DAGLA: variants seen among roughly 807,000 people sequenced by gnomAD.
The protein encoded by DAGLA is diacylglycerol lipase-alpha.
In DAGLA, 22 loss-of-function variants were observed where a neutral mutation model predicts 102.6. The ratio of observed to expected loss-of-function variants is 0.21; its 90% CI spans 0.15 to 0.31. The LOEUF is 0.31. Ranked by LOEUF, DAGLA falls within the 10% of genes least tolerant of loss-of-function variation. The probability of loss-of-function intolerance (pLI) is 1.00; values close to 1 mark genes in which losing one functional copy is unlikely to be tolerated. For missense variants in DAGLA, 927 were observed against 1,446.6 expected (o/e 0.64, Z 5.83); for synonymous variants, 578 against 628.9 (o/e 0.92, Z 1.21).
chr11:61,726,151 C>T, intron 6 of DAGLA, 69 bp downstream of exon 6: 1 of 1,481,576 alleles, frequency 6.7e-7, no homozygotes, highest in Non-Finnish European at 9.3e-7. Context: ...GCTGTTGGCT[C>T]CTTTGGCAAA....
chr11:61,696,123 G>A (rs574974971), intron 1 of DAGLA, among the ~76,000 whole-genome samples: 1 of 152,276 alleles, frequency 6.6e-6, no homozygotes, highest in Admixed American at 6.5e-5. Flanking sequence ...GGGGAGCCTG[G>A]GTGTTCCTCT....
At position 61,703,572 on chromosome 11, in the gene DAGLA, C is replaced by T. The variant is rs181139084; in HGVS notation, c.-44-16540C>T. Reference sequence around the variant, plus strand: ...GAGGCTGGTGAGGGCAGGCAGAGGCCAGGCCACAGGGCTGGCAGGCCAACG... The same window carrying T: ...GAGGCTGGTGAGGGCAGGCAGAGGCTAGGCCACAGGGCTGGCAGGCCAACG... On this transcript the variant is annotated intron_variant, in intron 1 of 19. Transcript: ENST00000257215. Among the ~76,000 whole-genome samples the T allele has an allele frequency of 7.7e-4, 117 of 152,310 alleles. 2 individuals are homozygous for T. The highest frequency in any genetic ancestry group is 2.8e-3 in the African/African-American group (116 of 41,568).
chr11:61,688,648 C>T (rs910353165), intron 1 of DAGLA, among the ~76,000 whole-genome samples: 5 of 152,288 alleles, frequency 3.3e-5, no homozygotes, highest in Non-Finnish European at 2.9e-5. Context: ...GCAGGGGGCC[C>T]GTGGGGGGTT....
chr11:61,690,787 C>T (rs547871520), intron 1 of DAGLA, among the ~76,000 whole-genome samples: 1 of 152,282 alleles, frequency 6.6e-6, no homozygotes, highest in South Asian at 2.1e-4. Context: ...GGAGGAACAG[C>T]CGCCCACAAA....
intron 1 of DAGLA, among the ~76,000 whole-genome samples, chr11:61,708,218 G>A (rs2135567765): frequency 6.6e-6 from 1 of 152,278 alleles, no homozygotes; most frequent in South Asian, 2.1e-4. Context: ...ATGTTGGCCA[G>A]GCTGGTCTCG....
At position 61,743,973 on chromosome 11, in the gene DAGLA, C is replaced by G. The variant is rs1409346783; in HGVS notation, c.2613C>G (p.Pro871=). 1 of 1,611,968 alleles carries G rather than the reference C, an allele frequency of 6.2e-7. No individual in the cohort carries two copies. Among genetic ancestry groups the G allele is most frequent in the Non-Finnish European group, 8.5e-7 (1 of 1,179,694 alleles). ...GCGGCGTCACTCCTGAGCGGCCCCCCAGTGCTGCGGCCAATGACGAGGAGG... is the reference window on the plus strand; with the variant it reads ...GCGGCGTCACTCCTGAGCGGCCCCCGAGTGCTGCGGCCAATGACGAGGAGG... The part of the protein sequence containing the change: ...GSGGVTPERP[P]SAAANDEEEE... Residue 871 remains proline (P), a synonymous_variant, in exon 20 of 20, where the codon CCC becomes CCG. Coordinates refer to ENST00000257215, the MANE Select transcript of DAGLA (RefSeq NM_006133.3).
chr11:61,683,259 G>C (rs1334963128), intron 1 of DAGLA, among the ~76,000 whole-genome samples: 4 of 152,216 alleles, frequency 2.6e-5, no homozygotes, highest in Non-Finnish European at 5.9e-5. Flanking sequence ...GGCCCTCCCA[G>C]ACCCAGGGTT....
intron 3 of DAGLA, among the ~76,000 whole-genome samples, chr11:61,721,369 G>A (rs198429): frequency 0.25 from 37,647 of 152,114 alleles, 4,935 homozygotes; most frequent in East Asian, 0.46. Flanking sequence ...ACTCCAGCCT[G>A]GGTGACAGAG....
At chr11:61,694,947 G>A (rs2065052621) in intron 1 of DAGLA, among the ~76,000 whole-genome samples, 1 of 152,170 alleles carries the variant, frequency 6.6e-6, no homozygotes. Flanking sequence ...ACCCAAACAT[G>A]TGCACGTCTC....
intron 1 of DAGLA, among the ~76,000 whole-genome samples, chr11:61,683,282 T>G (rs1049097702): frequency 2.0e-5 from 3 of 152,170 alleles, no homozygotes; most frequent in Non-Finnish European, 4.4e-5. Flanking sequence ...GAGCTGACTT[T>G]TCCATGCTAT....
intron 6 of DAGLA, among the ~76,000 whole-genome samples, chr11:61,726,655 G>C (rs1183132279): frequency 6.6e-6 from 1 of 152,260 alleles, no homozygotes; most frequent in African/African-American, 2.4e-5. Context: ...AGATCATCTA[G>C]TCCCACCCCT....
In DAGLA at chr11:61,745,486, T is replaced by A. The variant is rs553795289; in HGVS notation, c.*997T>A. 6.5e-6 allele frequency: 1 copy of A among 152,950 alleles called. No homozygotes were observed. The highest frequency in any genetic ancestry group is 1.5e-5 in the Non-Finnish European group (1 of 68,368). The allele number at this position is 152,950 out of a possible 1,614,324, so 9.5% of individuals were successfully genotyped here. A position where few individuals can be genotyped will look rare whatever the true frequency, so the allele number is the denominator to read the frequency against. ...TCCCTCCTCGCTGGCCTGGGCACCCTCCTGGGAGCAGGCCTTCCTCCCTCC... is the reference window on the plus strand; with the variant it reads ...TCCCTCCTCGCTGGCCTGGGCACCCACCTGGGAGCAGGCCTTCCTCCCTCC... On this transcript the variant is annotated 3_prime_UTR_variant, in exon 20 of 20. Transcript: ENST00000257215.
intron 19 of DAGLA, among the ~76,000 whole-genome samples, chr11:61,743,018 A>G (rs2065494204): frequency 6.6e-6 from 1 of 152,152 alleles, no homozygotes; most frequent in African/African-American, 2.4e-5. Context: ...GGCTCAACCC[A>G]GCATCAACTC....
intron 1 of DAGLA, among the ~76,000 whole-genome samples, chr11:61,691,417 T>C (rs1160026763): frequency 6.6e-6 from 1 of 152,212 alleles, no homozygotes; most frequent in African/African-American, 2.4e-5. Flanking sequence ...CACACAAAAC[T>C]GAGTCTGGCT....
chr11:61,739,252 C>G (rs987794902), intron 16 of DAGLA, among the ~76,000 whole-genome samples: 2 of 152,212 alleles, frequency 1.3e-5, no homozygotes, highest in Non-Finnish European at 2.9e-5. Context: ...TCCTTGGCAC[C>G]TTATTGGCCG....
At chr11:61,740,618 A>G in intron 18 of DAGLA, 26 bp downstream of exon 18, 1 of 1,610,402 alleles carries the variant, frequency 6.2e-7, no homozygotes, top group Non-Finnish European at 8.5e-7. Context: ...GCAGGGTACC[A>G]CCAGGGAATA....
Position 61,734,802 on chromosome 11 carries a change from C to G in DAGLA, c.975-47C>G. On this transcript the variant is annotated intron_variant, in intron 9 of 19. Transcript: ENST00000257215. This position sits in a 1 kb window ranked among gnomAD's most constrained non-coding sequence, Gnocchi z 4.2. Reference sequence around the variant, plus strand: ...GGGACAGTGGCAGGAGACATTTGTTCCCTCGGGGACTCCCTGGCCCTGAAC... The same window carrying G: ...GGGACAGTGGCAGGAGACATTTGTTGCCTCGGGGACTCCCTGGCCCTGAAC... 1 of 1,566,634 alleles carries G rather than the reference C, an allele frequency of 6.4e-7. No homozygotes were observed. The highest frequency in any genetic ancestry group is 8.7e-7 in the Non-Finnish European group (1 of 1,146,896).
chr11:61,723,813 A>T (rs543563148), intron 5 of DAGLA, among the ~76,000 whole-genome samples: 6 of 152,358 alleles, frequency 3.9e-5, no homozygotes, highest in African/African-American at 1.4e-4. Flanking sequence ...ATACCTGCAG[A>T]GTGACTAACA....
At chr11:61,743,289 C>G (rs1375028992) in intron 19 of DAGLA, among the ~76,000 whole-genome samples, 1 of 150,212 alleles carries the variant, frequency 6.7e-6, no homozygotes, top group Non-Finnish European at 1.5e-5. Flanking sequence ...GGCGTGAACC[C>G]AGGGCGGAGC....
Sources: allele counts gnomAD v4.1 joint callset (sites outside exome capture counted in the v4.1 genomes callset), GRCh38; gene constraint gnomAD v4.1.1; non-coding constraint Gnocchi (gnomAD v3.1); transcripts MANE v1.5; gene names NCBI Gene and HGNC (gene_info 2026-07-23, HGNC 2026-07-21).